SLC12A4: variants seen among roughly 807,000 people sequenced by gnomAD.
SLC12A4 encodes the protein solute carrier family 12 member 4.
A neutral mutation model predicts 119.2 loss-of-function variants in SLC12A4; 84 were observed. The observed-to-expected ratio is 0.70, with a 90% CI of 0.59 to 0.85. SLC12A4 has a LOEUF of 0.85. Ranked by LOEUF, SLC12A4 falls within the 40% of genes least tolerant of loss-of-function variation. SLC12A4 has a pLI of 0.00. For missense variants in SLC12A4, 1,298 were observed against 1,476.3 expected (o/e 0.88, Z 1.98); for synonymous variants, 599 against 604.6 (o/e 0.99, Z 0.14).
At position 67,949,978 on chromosome 16, in the gene SLC12A4, G is replaced by C; in HGVS notation, c.1630-60C>G. ...CCCCCATTCCACACCTTGGGCCCCA[G>C]ACCCCAGCCTGGCCTCCCTCACCCC... On this transcript the variant is annotated intron_variant, in intron 12 of 23. Coordinates refer to ENST00000316341, the MANE Select transcript of SLC12A4 (RefSeq NM_005072.5). The surrounding 1 kb of genome is among the most constrained non-coding windows in gnomAD (Gnocchi z 4.6). 1.5e-6 allele frequency: 2 copies of C among 1,374,194 alleles called. No individual in the cohort carries two copies. Among genetic ancestry groups the C allele is most frequent in the Middle Eastern group, 1.8e-4 (1 of 5,574 alleles). 85.1% of individuals were successfully genotyped at this position (1,374,194 alleles called of 1,614,324 possible).
At chr16:67,954,587 G>T (rs1250703628) in intron 6 of SLC12A4, 56 bp downstream of exon 6, 13 of 1,606,062 alleles carry the variant, frequency 8.1e-6, no homozygotes, top group Non-Finnish European at 1.1e-5. Flanking sequence ...TCTGTTTGGA[G>T]TCCAAAGGGA....
In SLC12A4 at chr16:67,952,294, C is replaced by A; in HGVS notation, c.807G>T (p.Gly269=). 1.9e-6 allele frequency: 3 copies of A among 1,614,036 alleles called. No homozygotes were observed. The highest frequency in any genetic ancestry group is 1.1e-5 in the South Asian group (1 of 91,084). The change falls in exon 7 of 24, where the codon GGG becomes GGT. Residue 269 remains glycine (G), a synonymous_variant. Coordinates refer to ENST00000316341, the MANE Select transcript of SLC12A4 (RefSeq NM_005072.5). ...LTFMTLVVFV[G]VKYVNKFASL... ...AGGCAAATTTGTTCACATACTTGAC[C>A]CCCACAAACACCACCAGGGTCATGA...
intron 1 of SLC12A4, chr16:67,964,023 G>A (rs1346836794): frequency 2.6e-6 from 4 of 1,550,996 alleles, no homozygotes; most frequent in African/African-American, 1.4e-5. Context: ...ACCTTCGGCT[G>A]CCATGGCCCA....
chr16:67,945,604 G>A (rs777956526), intron 21 of SLC12A4, 51 bp from the exon 22 acceptor site: 10 of 1,578,094 alleles, frequency 6.3e-6, no homozygotes, highest in African/African-American at 5.4e-5. Flanking sequence ...AAGGGGGATG[G>A]GGCCTGTCTG....
At position 67,949,269 on chromosome 16, in the gene SLC12A4, G is replaced by A. The variant is rs1269106663; in HGVS notation, c.1748+531C>T. Among the ~76,000 whole-genome samples, 1 of 152,156 alleles carries A rather than the reference G, an allele frequency of 6.6e-6. No individual in the cohort carries two copies. The highest frequency in any genetic ancestry group is 6.5e-5 in the Admixed American group (1 of 15,274). On this transcript the variant is annotated intron_variant, in intron 13 of 23. Coordinates refer to ENST00000316341, the MANE Select transcript of SLC12A4 (RefSeq NM_005072.5). The surrounding 1 kb of genome is among the most constrained non-coding windows in gnomAD (Gnocchi z 4.6). ...GTTCGACACCAGCCTGGCCAAGATG[G>A]TAAAACGCCATCTCTACTAAAAATA...
rs774308256 is a variant in SLC12A4, at chr16:67,951,821, A to C, written c.1132+2T>G. The C allele has an allele frequency of 1.9e-6, 3 of 1,609,702 alleles. No homozygotes were observed. In the Admixed American group the frequency reaches 5.1e-5, roughly 27 times the overall value. On this transcript the variant is annotated splice_donor_variant, in intron 8 of 23. Transcript: ENST00000316341. LOFTEE classifies it high-confidence loss of function. This position sits in a 1 kb window ranked among gnomAD's most constrained non-coding sequence, Gnocchi z 5.2. ...AGCAAGACGACGGGAGGGAGGACCC[A>C]CCCTGGAGCACACCAGCAGCTGCCC...
chr16:67,946,058 T>C lies in SLC12A4; in HGVS notation c.2632A>G (p.Ile878Val). 6.2e-7 allele frequency: 1 copy of C among 1,614,018 alleles called. No homozygotes were observed. The highest frequency in any genetic ancestry group is 8.5e-7 in the Non-Finnish European group (1 of 1,180,012). The change falls in exon 20 of 24, where the codon ATC (isoleucine) becomes GTC (valine). Residue 878 changes from isoleucine to valine, a missense_variant. Transcript: ENST00000316341. The part of the protein sequence containing the change: ...HKVWRKCRMR[I>V]FTVAQMDDNS... ...TCATCCATCTGGGCCACTGTGAAGA[T>C]GCGCATCCGGCACTTCCTCCAGACC...
chr16:67,947,707 G>A lies in SLC12A4; in HGVS notation c.1929C>T (p.Leu643=), dbSNP rs752274393. The part of the protein sequence containing the change: ...SSWYYALVAM[L]IAGMIYKYIE... ...TGTATTTGTAGATCATGCCGGCGAT[G>A]AGCATGGCCACCAGGGCATAGTACC... The change falls in exon 15 of 24, where the codon CTC becomes CTT. Residue 643 remains leucine, a synonymous_variant. Coordinates refer to ENST00000316341, the MANE Select transcript of SLC12A4 (RefSeq NM_005072.5). The A allele has an allele frequency of 2.5e-6, 4 of 1,597,806 alleles. No homozygotes were observed. Among genetic ancestry groups the A allele is most frequent in the South Asian group, 1.1e-5 (1 of 88,600 alleles).
chr16:67,968,313 A>G, intron 1 of SLC12A4, 126 bp downstream of exon 1: 2 of 841,088 alleles, frequency 2.4e-6, no homozygotes, highest in South Asian at 2.3e-5. Context: ...GCGGTCCAAA[A>G]AAAGTTGAGT....
Position 67,950,340 on chromosome 16 carries a change from G to C in SLC12A4, c.1608C>G (p.Asp536Glu). Residue 536 changes from aspartate (D) to glutamate (E), a missense_variant, in exon 12 of 24, where the codon GAC (aspartate) becomes GAG (glutamate). By Grantham distance (45) the Asp-to-Glu change is conservative. Coordinates refer to ENST00000316341, the MANE Select transcript of SLC12A4 (RefSeq NM_005072.5). The surrounding 1 kb of genome is among the most constrained non-coding windows in gnomAD (Gnocchi z 4.3). ...TCACCCGGAGGAAGGGGATGATGTTGTCCTTGGCAATGGCCTGCAATAGGC... is the reference window on the plus strand; with the variant it reads ...TCACCCGGAGGAAGGGGATGATGTTCTCCTTGGCAATGGCCTGCAATAGGC... ...APRLLQAIAK[D>E]NIIPFLRVFG... 1 of 1,613,984 alleles carries C rather than the reference G, an allele frequency of 6.2e-7. No individual in the cohort carries two copies. Among genetic ancestry groups the C allele is most frequent in the Non-Finnish European group, 8.5e-7 (1 of 1,180,008 alleles).
chr16:67,951,458 AC>A lies in SLC12A4; in HGVS notation c.1133-155del. Reference sequence around the variant, plus strand: ...CAGCGTCAGCCACAGGGCTACCCTGACCACAGAGAAGGAGCTGCCCAGCTAG... The same window carrying A: ...CAGCGTCAGCCACAGGGCTACCCTGACACAGAGAAGGAGCTGCCCAGCTAG... On this transcript the variant is annotated intron_variant, in intron 8 of 23. Coordinates refer to ENST00000316341, the MANE Select transcript of SLC12A4 (RefSeq NM_005072.5). The surrounding 1 kb of genome is among the most constrained non-coding windows in gnomAD (Gnocchi z 5.2). 1.2e-6 allele frequency: 1 copy of A among 825,912 alleles called. No individual in the cohort carries two copies. Among genetic ancestry groups the A allele is most frequent in the Non-Finnish European group, 1.8e-6 (1 of 541,802 alleles). The allele number at this position is 825,912 out of a possible 1,614,324, so 51.2% of individuals were successfully genotyped here.
chr16:67,959,055 G>A (rs1314733596), intron 3 of SLC12A4, among the ~76,000 whole-genome samples: 1 of 152,314 alleles, frequency 6.6e-6, no homozygotes, highest in African/African-American at 2.4e-5. Context: ...TCTGAACCCA[G>A]TGAGTGGTGC....
Position 67,961,678 on chromosome 16 carries a change from G to C in SLC12A4, c.239C>G (p.Ser80Trp). 1 of 1,614,164 alleles carries C rather than the reference G, an allele frequency of 6.2e-7. No individual in the cohort carries two copies. The highest frequency in any genetic ancestry group is 8.5e-7 in the Non-Finnish European group (1 of 1,180,010). ...GCTGACGAGCTTTCCCAGAAGAGAC[G>C]ATACCTTTGGGCGGATGTCCAGCTC... ...EEELDIRPKV[S>W]SLLGKLVSYT... is the part of the protein sequence containing the mutation. The change falls in exon 3 of 24, where the codon TCG (serine) becomes TGG (tryptophan). Residue 80 changes from serine (S) to tryptophan (W), a missense_variant. Coordinates refer to ENST00000316341, the MANE Select transcript of SLC12A4 (RefSeq NM_005072.5).
chr16:67,957,409 TCCACC>T, intron 5 of SLC12A4: 12 of 262,236 alleles, frequency 4.6e-5, no homozygotes, highest in South Asian at 8.5e-5. Context: ...GCCCTTGTGA[TCCACC>T]CACCTCGGCC....
Position 67,944,003 on chromosome 16 carries a change from G to C in SLC12A4, c.*837C>G. ...GCTCAGCCTTGGGCGTGGTGTGCGG[G>C]GGGAAGAGCACATTGAGGAGCCAGA... On this transcript the variant is annotated 3_prime_UTR_variant, in exon 24 of 24. Coordinates refer to ENST00000316341, the MANE Select transcript of SLC12A4 (RefSeq NM_005072.5). The surrounding 1 kb of genome is among the most constrained non-coding windows in gnomAD (Gnocchi z 6.6). 6.5e-7 allele frequency: 1 copy of C among 1,548,508 alleles called. No individual in the cohort carries two copies. The highest frequency in any genetic ancestry group is 1.2e-5 in the South Asian group (1 of 83,860).
At chr16:67,952,976 T>C (rs888341976) in intron 6 of SLC12A4, among the ~76,000 whole-genome samples, 1 of 151,864 alleles carries the variant, frequency 6.6e-6, no homozygotes, top group Non-Finnish European at 1.5e-5. Flanking sequence ...CACACGCCTG[T>C]AATCCCAGCT....
intron 6 of SLC12A4, 35 bp downstream of exon 6, chr16:67,954,608 A>G (rs1256840622): frequency 3.1e-6 from 5 of 1,613,146 alleles, no homozygotes; most frequent in Non-Finnish European, 1.7e-6. Flanking sequence ...CTGTTTGGAC[A>G]TGGCCAGAGT....
intron 1 of SLC12A4, among the ~76,000 whole-genome samples, chr16:67,965,261 T>G (rs900487428): frequency 1.3e-5 from 2 of 152,196 alleles, no homozygotes; most frequent in African/African-American, 4.8e-5. Context: ...TTAATGACAT[T>G]AATGGCTCTT....
chr16:67,953,735 C>T (rs1407307271), intron 6 of SLC12A4, among the ~76,000 whole-genome samples: 2 of 152,066 alleles, frequency 1.3e-5, no homozygotes, highest in Non-Finnish European at 2.9e-5. Context: ...CAAAAAGGAT[C>T]CAAACATAGA....
Sources: gnomAD v4.1 joint callset for allele counts (sites outside exome capture counted in the v4.1 genomes callset) on GRCh38, gnomAD v4.1.1 for gene constraint, Gnocchi (gnomAD v3.1) non-coding constraint, MANE v1.5 for transcripts, NCBI Gene and HGNC (gene_info 2026-07-23, HGNC 2026-07-21) for gene names.